Variants in LDLRAD4 observed in about 807,000 individuals in gnomAD.
The protein encoded by LDLRAD4 is low density lipoprotein receptor class A domain containing 4.
In LDLRAD4, 5 loss-of-function variants were observed where a neutral mutation model predicts 17.0. The ratio of observed to expected loss-of-function variants is 0.29; its 90% CI spans 0.15 to 0.62. The LOEUF (loss-of-function observed/expected upper bound fraction) is 0.62, where lower values mean the gene tolerates loss of function less well. Among genes scored for constraint, LDLRAD4 ranks in the 20% least tolerant of loss-of-function variants. LDLRAD4 has a pLI of 0.84. For missense variants in LDLRAD4, 340 were observed against 424.7 expected (o/e 0.80, Z 1.75); for synonymous variants, 168 against 171.8 (o/e 0.98, Z 0.17).
intron 2 of LDLRAD4, among the ~76,000 whole-genome samples, chr18:13,434,987 C>T (rs576450786): frequency 6.6e-6 from 1 of 150,930 alleles, no homozygotes; most frequent in East Asian, 1.9e-4. Flanking sequence ...CTGTCTGGGA[C>T]TCTGACCCCA....
chr18:13,391,604 A>G lies in LDLRAD4; in HGVS notation c.40+3842A>G, dbSNP rs192387145. On this transcript the variant is annotated intron_variant, in intron 2 of 5. Transcript: ENST00000359446. Reference sequence around the variant, plus strand: ...ATTTTAGTCATTTAGATAGTATTTTATATCAAAAATTAATTTTTTCCTTTT... The same window carrying G: ...ATTTTAGTCATTTAGATAGTATTTTGTATCAAAAATTAATTTTTTCCTTTT... 9.8e-5 allele frequency among the ~76,000 whole-genome samples: 15 copies of G among 152,360 alleles called. No individual in the cohort carries two copies. In the East Asian group the frequency reaches 2.3e-3, roughly 23 times the overall value.
At chr18:13,378,643 A>G (rs533349828) in intron 1 of LDLRAD4, among the ~76,000 whole-genome samples, 5 of 152,302 alleles carry the variant, frequency 3.3e-5, no homozygotes, top group African/African-American at 9.6e-5. Flanking sequence ...AAGAGCCTCT[A>G]TCTTTTTCCT....
chr18:13,316,321 GAC>G (rs2080932064), intron 1 of LDLRAD4, among the ~76,000 whole-genome samples: 1 of 152,266 alleles, frequency 6.6e-6, no homozygotes, highest in South Asian at 2.1e-4. Flanking sequence ...ACGATGAAAT[GAC>G]AGTCTTTAAA....
At chr18:13,218,697 C>T (rs1244264441), upstream of LDLRAD4, 2 of 152,356 alleles carry the variant, frequency 1.3e-5, no homozygotes, top group African/African-American at 4.8e-5. Context: ...CGGGTCCCCC[C>T]GCGCGCGTTG....
At chr18:13,561,987 T>G (rs1334992382) in intron 3 of LDLRAD4, 2 of 152,144 alleles carry the variant, frequency 1.3e-5, no homozygotes, top group Non-Finnish European at 2.9e-5. Flanking sequence ...CCAATAACAA[T>G]TATTAGCTAA....
At chr18:13,261,507 T>C (rs1258688646) in intron 1 of LDLRAD4, among the ~76,000 whole-genome samples, 1 of 152,238 alleles carries the variant, frequency 6.6e-6, no homozygotes, top group Non-Finnish European at 1.5e-5. Context: ...CTGAGAATCC[T>C]TGCTGTTGGT....
Position 13,349,593 on chromosome 18 carries a change from G to T in LDLRAD4, c.-382-37748G>T, listed in dbSNP as rs184424276. 4.6e-5 allele frequency among the ~76,000 whole-genome samples: 7 copies of T among 152,220 alleles called. No individual in the cohort carries two copies. In the East Asian group the frequency reaches 1.3e-3, roughly 29 times the overall value. ...GAACTCTCAGCTTTTGTTGATCTGA[G>T]AATATCTTAATTTGTCCCTCATTTT... is the stretch of plus-strand genomic sequence containing the variant. On this transcript the variant is annotated intron_variant, in intron 1 of 5. Transcript: ENST00000359446.
chr18:13,233,068 C>G (rs184302907), intron 1 of LDLRAD4, among the ~76,000 whole-genome samples: 44 of 152,334 alleles, frequency 2.9e-4, no homozygotes, highest in African/African-American at 9.9e-4. Flanking sequence ...TAGACGATGG[C>G]AGAGGATCTG....
At chr18:13,246,940 G>GT (rs201860613) in intron 1 of LDLRAD4, among the ~76,000 whole-genome samples, 2,714 of 144,682 alleles carry the variant, frequency 0.019, 29 homozygotes, top group Middle Eastern at 0.051. Flanking sequence ...ATCTACAAGG[G>GT]TTTTTTTTTT....
chr18:13,265,009 C>G (rs979221536), intron 1 of LDLRAD4, among the ~76,000 whole-genome samples: 1 of 152,168 alleles, frequency 6.6e-6, no homozygotes, highest in African/African-American at 2.4e-5. Context: ...GTTGCCCAAG[C>G]CAGAACCTGG....
intron 3 of LDLRAD4, among the ~76,000 whole-genome samples, chr18:13,553,916 C>T (rs1441952934): frequency 6.6e-6 from 1 of 152,156 alleles, no homozygotes; most frequent in Non-Finnish European, 1.5e-5. Flanking sequence ...CTGAAATTCT[C>T]ATCTGTGCAG....
intron 1 of LDLRAD4, among the ~76,000 whole-genome samples, chr18:13,358,649 G>A (rs868288165): frequency 2.9e-4 from 44 of 152,110 alleles, no homozygotes; most frequent in Middle Eastern, 3.4e-3. Flanking sequence ...AGAGTTAGAC[G>A]AAAACTACTA....
At chr18:13,324,820 C>T (rs1485552088) in intron 1 of LDLRAD4, among the ~76,000 whole-genome samples, 1 of 152,070 alleles carries the variant, frequency 6.6e-6, no homozygotes, top group African/African-American at 2.4e-5. Context: ...AAAGAGCAGA[C>T]AGGAGGGGAA....
At chr18:13,395,103 C>T (rs913643809) in intron 2 of LDLRAD4, among the ~76,000 whole-genome samples, 2 of 152,174 alleles carry the variant, frequency 1.3e-5, no homozygotes, top group Non-Finnish European at 2.9e-5. Context: ...CTCTGTGACA[C>T]TGATAGATCA....
chr18:13,278,096 T>C (rs2045007313), upstream of LDLRAD4: 1 of 152,246 alleles, frequency 6.6e-6, no homozygotes, highest in South Asian at 2.1e-4. Context: ...TCTTCATCTT[T>C]CTTTCTAGCG....
intron 3 of LDLRAD4, among the ~76,000 whole-genome samples, chr18:13,564,544 A>G (rs1183926722): frequency 6.9e-6 from 1 of 145,270 alleles, no homozygotes; most frequent in African/African-American, 2.5e-5. Context: ...TCTGTTTTTG[A>G]GAATGGAAAA....
intron 3 of LDLRAD4, among the ~76,000 whole-genome samples, chr18:13,464,354 C>G (rs766517814): frequency 1.3e-5 from 2 of 152,180 alleles, no homozygotes; most frequent in Non-Finnish European, 2.9e-5. Context: ...GTGTTGTGAG[C>G]AAAGAATAGT....
intron 3 of LDLRAD4, among the ~76,000 whole-genome samples, chr18:13,525,815 C>G (rs546985836): frequency 6.6e-6 from 1 of 152,180 alleles, no homozygotes; most frequent in African/African-American, 2.4e-5. Context: ...CTCTAGGGGG[C>G]GGAATGACCA....
At chr18:13,387,883 G>C (rs1599851290) in intron 2 of LDLRAD4, 121 bp downstream of exon 3, 1 of 807,690 alleles carries the variant, frequency 1.2e-6, no homozygotes, top group Admixed American at 1.9e-5. Context: ...ACGCAGTCAA[G>C]GGCTCAGGCT....
Sources: gnomAD v4.1 joint callset for allele counts (sites outside exome capture counted in the v4.1 genomes callset) on GRCh38, gnomAD v4.1.1 for gene constraint, MANE v1.5 for transcripts, NCBI Gene and HGNC (gene_info 2026-07-23, HGNC 2026-07-21) for gene names.